GRIN2A: variants seen among roughly 807,000 people sequenced by gnomAD.
The protein encoded by GRIN2A is glutamate ionotropic receptor NMDA type subunit 2A.
Under a neutral mutation model 113.4 loss-of-function variants are expected in GRIN2A, and 22 were observed. That is an observed-to-expected ratio of 0.19 (90% confidence interval 0.14 to 0.28). The LOEUF is 0.28. Among genes scored for constraint, GRIN2A ranks in the 10% least tolerant of loss-of-function variants. The pLI is 1.00. For missense variants in GRIN2A, 1,502 were observed against 1,887.0 expected (o/e 0.80, Z 3.78); for synonymous variants, 827 against 738.4 (o/e 1.12, Z -1.94).
At chr16:9,928,487 C>T (rs1190088923) in intron 3 of GRIN2A, among the ~76,000 whole-genome samples, 2 of 152,100 alleles carry the variant, frequency 1.3e-5, no homozygotes, top group African/African-American at 4.8e-5. Flanking sequence ...TCAGATGTTG[C>T]CCAAATCGTG....
At chr16:9,807,927 ATTTG>A (rs1183885820) in intron 10 of GRIN2A, among the ~76,000 whole-genome samples, 1 of 152,196 alleles carries the variant, frequency 6.6e-6, no homozygotes, top group Admixed American at 6.5e-5. Flanking sequence ...CCAGCCATGA[ATTTG>A]TTTGGTGAAT....
chr16:10,106,708 C>T (rs1436391267), intron 2 of GRIN2A, among the ~76,000 whole-genome samples: 3 of 152,044 alleles, frequency 2.0e-5, no homozygotes, highest in African/African-American at 2.4e-5. Context: ...TGGCATTCCA[C>T]GGACTTTGGG....
intron 2 of GRIN2A, among the ~76,000 whole-genome samples, chr16:9,955,476 T>C (rs1308996777): frequency 6.6e-6 from 1 of 152,240 alleles, no homozygotes; most frequent in African/African-American, 2.4e-5. Context: ...TGTATTAGGT[T>C]AGTGCAAAAG....
chr16:10,160,537 T>A (rs2049789623), intron 2 of GRIN2A, among the ~76,000 whole-genome samples: 1 of 152,226 alleles, frequency 6.6e-6, no homozygotes, highest in South Asian at 2.1e-4. Flanking sequence ...CAAAGCCCCA[T>A]CTGCATCTCT....
chr16:10,048,283 G>A (rs1193405421), intron 2 of GRIN2A, among the ~76,000 whole-genome samples: 1 of 152,168 alleles, frequency 6.6e-6, no homozygotes, highest in Non-Finnish European at 1.5e-5. Context: ...CACTTAGTAA[G>A]CCCTATGTAA....
chr16:9,854,992 TTGTG>T (rs3831730), intron 4 of GRIN2A, among the ~76,000 whole-genome samples: 44,486 of 147,456 alleles, frequency 0.3, 6,912 homozygotes, highest in African/African-American at 0.4. Context: ...GCAAGCACGC[TTGTG>T]TGTGTGTGTG....
At chr16:9,768,735 A>T (rs922378535) in intron 12 of GRIN2A, 116 bp downstream of exon 12, 1 of 799,070 alleles carries the variant, frequency 1.3e-6, no homozygotes, top group Middle Eastern at 2.2e-4. Context: ...CTCTTGTGAC[A>T]TGCCCAAGAA....
intron 2 of GRIN2A, among the ~76,000 whole-genome samples, chr16:10,083,466 C>G (rs1326492800): frequency 1.3e-5 from 2 of 152,214 alleles, no homozygotes; most frequent in African/African-American, 4.8e-5. Flanking sequence ...ACTTGTATAG[C>G]TACCTGATGC....
chr16:10,000,809 G>C (rs1477830353), intron 2 of GRIN2A, among the ~76,000 whole-genome samples: 1 of 152,020 alleles, frequency 6.6e-6, no homozygotes, highest in African/African-American at 2.4e-5. Flanking sequence ...CTCCAGAAAT[G>C]GGTGCAATAC....
chr16:9,774,503 A>T (rs1403720974), intron 11 of GRIN2A, among the ~76,000 whole-genome samples: 1 of 152,196 alleles, frequency 6.6e-6, no homozygotes, highest in East Asian at 1.9e-4. Flanking sequence ...TAATCTATCC[A>T]ACTACTCATC....
chr16:9,841,304 T>A (rs533185468), intron 5 of GRIN2A, among the ~76,000 whole-genome samples, 200 bp from the exon 6 acceptor site: 3 of 152,216 alleles, frequency 2.0e-5, no homozygotes, highest in Non-Finnish European at 4.4e-5. Context: ...TGACAAGAAC[T>A]AACACTTATT....
chr16:9,792,430 C>A (rs751463772), intron 11 of GRIN2A, among the ~76,000 whole-genome samples: 1 of 152,042 alleles, frequency 6.6e-6, no homozygotes, highest in Non-Finnish European at 1.5e-5. Flanking sequence ...TGCTATGTTG[C>A]CTGGGCTGAT....
rs2050253769 is a variant in GRIN2A at position 10,180,807 on chromosome 16, A to C, written c.-18-378T>G. On this transcript the variant is annotated intron_variant, in intron 1 of 12. Coordinates refer to ENST00000330684, the MANE Select transcript of GRIN2A (RefSeq NM_001134407.3). This position sits in a 1 kb window ranked among gnomAD's most constrained non-coding sequence, Gnocchi z 7.0. ...TGTACCCCACCAAGCTCCTAGGTGC[A>C]CAGAATAAACCCTCCATCCAACCCC... 2 of 367,828 alleles carry C rather than the reference A, an allele frequency of 5.4e-6. No individual in the cohort carries two copies. The highest frequency in any genetic ancestry group is 6.1e-5 in the East Asian group (1 of 16,366). The allele number at this position is 367,828 out of a possible 1,614,324, so 22.8% of individuals were successfully genotyped here.
At chr16:9,839,281 T>C (rs979599082) in intron 7 of GRIN2A, among the ~76,000 whole-genome samples, 24 of 152,094 alleles carry the variant, frequency 1.6e-4, no homozygotes, top group Admixed American at 4.6e-4. Flanking sequence ...AATGCTTTAC[T>C]ATGTTCCATG....
intron 2 of GRIN2A, among the ~76,000 whole-genome samples, chr16:10,101,287 G>A (rs2048388804): frequency 6.6e-6 from 1 of 152,002 alleles, no homozygotes; most frequent in Admixed American, 6.5e-5. Context: ...TAAACTTCTT[G>A]TGCCCCTAAC....
intron 2 of GRIN2A, among the ~76,000 whole-genome samples, chr16:10,093,924 T>G (rs2048235018): frequency 6.6e-6 from 1 of 152,194 alleles, no homozygotes; most frequent in Non-Finnish European, 1.5e-5. Flanking sequence ...GTAGTGTGGT[T>G]TCTCTCCTTG....
chr16:9,810,469 T>A (rs1234471033), intron 10 of GRIN2A, among the ~76,000 whole-genome samples: 1 of 152,144 alleles, frequency 6.6e-6, no homozygotes, highest in Non-Finnish European at 1.5e-5. Flanking sequence ...TTTGCAGATA[T>A]AATTGTTTAA....
At chr16:9,923,161 T>C (rs1021680352) in intron 3 of GRIN2A, among the ~76,000 whole-genome samples, 8 of 152,282 alleles carry the variant, frequency 5.3e-5, no homozygotes, top group African/African-American at 1.9e-4. Flanking sequence ...GATGCATAGT[T>C]TGATCTTTTT....
At chr16:9,886,801 T>C (rs1388501428) in intron 4 of GRIN2A, among the ~76,000 whole-genome samples, 1 of 152,190 alleles carries the variant, frequency 6.6e-6, no homozygotes, top group Non-Finnish European at 1.5e-5. Flanking sequence ...TTATTATAAT[T>C]GGTATTCATG....
Sources: gnomAD v4.1 joint callset for allele counts (sites outside exome capture counted in the v4.1 genomes callset) on GRCh38, gnomAD v4.1.1 for gene constraint, Gnocchi (gnomAD v3.1) non-coding constraint, MANE v1.5 for transcripts, NCBI Gene and HGNC (gene_info 2026-07-23, HGNC 2026-07-21) for gene names.